Variants in GLS observed in about 807,000 individuals in gnomAD.
GLS encodes glutaminase.
A neutral mutation model predicts 86.7 loss-of-function variants in GLS; 36 were observed. That is an observed-to-expected ratio of 0.42 (90% CI 0.32 to 0.55). The LOEUF (loss-of-function observed/expected upper bound fraction) is 0.55. Among genes scored for constraint, GLS ranks in the 20% least tolerant of loss-of-function variants. The pLI is 0.17. For synonymous variants in GLS, 317 were observed against 305.9 expected (o/e 1.04, Z -0.38); for missense variants, 528 against 833.4 (o/e 0.63, Z 4.51).
chr2:190,916,231 T>G lies in GLS; in HGVS notation c.1039-4793T>G, dbSNP rs370145875. 9.8e-5 allele frequency among the ~76,000 whole-genome samples: 15 copies of G among 152,348 alleles called. No homozygotes were observed. The East Asian group carries it at 2.1e-3, about 22-fold the overall frequency. On this transcript the variant is annotated intron_variant, in intron 7 of 17. Coordinates refer to ENST00000320717, the MANE Select transcript of GLS (RefSeq NM_014905.5). ...ATTATTAGCAAATAAATATTTTTCC[T>G]TTAATTTTTTATTGTGAAAAAATTC...
At position 190,899,848 on chromosome 2, in the gene GLS, A is replaced by G. The variant is rs561863939; in HGVS notation, c.606-716A>G. Among the ~76,000 whole-genome samples, 8 of 152,146 alleles carry G rather than the reference A, an allele frequency of 5.3e-5. No individual in the cohort carries two copies. The South Asian group carries it at 1.0e-3, about 20-fold the overall frequency. On this transcript the variant is annotated intron_variant, in intron 3 of 17. Transcript: ENST00000320717. ...TGCTCTCCCATCCACTTGGTTTACT[A>G]TATTTTTAAAATACTTTTTTAACAG...
At position 190,935,038 on chromosome 2, in the gene GLS, C is replaced by G. The variant is rs1186701948; in HGVS notation, c.1650+3401C>G. On this transcript the variant is annotated intron_variant, in intron 14 of 17. Transcript: ENST00000320717. This position sits in a 1 kb window ranked among gnomAD's most constrained non-coding sequence, Gnocchi z 4.2. ...TATGCCATTATTGATTCTTGATATT[C>G]AAGCATTTACAATGTAGCATATTTG... 1 of 934,846 alleles carries G rather than the reference C, an allele frequency of 1.1e-6. No homozygotes were observed. Among genetic ancestry groups the G allele is most frequent in the African/African-American group, 1.8e-5 (1 of 56,132 alleles). 57.9% of individuals were successfully genotyped at this position (934,846 alleles called of 1,614,324 possible).
chr2:190,898,149 G>A (rs921974583), intron 3 of GLS, among the ~76,000 whole-genome samples: 1 of 152,074 alleles, frequency 6.6e-6, no homozygotes, highest in Non-Finnish European at 1.5e-5. Context: ...TGTTTTGCAA[G>A]AAAGTGAATG....
At chr2:190,898,713 C>T (rs918526610) in intron 3 of GLS, among the ~76,000 whole-genome samples, 6 of 152,278 alleles carry the variant, frequency 3.9e-5, no homozygotes, top group African/African-American at 1.4e-4. Context: ...CTCACCGCAA[C>T]CTCCGCCTCC....
intron 13 of GLS, among the ~76,000 whole-genome samples, chr2:190,931,069 G>A (rs1690093303): frequency 2.0e-5 from 3 of 152,094 alleles, no homozygotes; most frequent in African/African-American, 7.2e-5. Context: ...GCTAATGTTT[G>A]AGCTTCTAGT....
intron 6 of GLS, among the ~76,000 whole-genome samples, chr2:190,907,931 A>G (rs1159783343): frequency 2.0e-5 from 3 of 152,214 alleles, no homozygotes; most frequent in Non-Finnish European, 2.9e-5. Context: ...GCCAAAATGT[A>G]TGTGCTGATT....
At chr2:190,925,291 A>G (rs1689863312) in intron 11 of GLS, among the ~76,000 whole-genome samples, 1 of 152,016 alleles carries the variant, frequency 6.6e-6, no homozygotes, top group African/African-American at 2.4e-5. Flanking sequence ...CTGACTTGGT[A>G]TCTTGTAATT....
rs946731529 is a variant in GLS at position 190,943,606 on chromosome 2, T to A, written c.1651-9959T>A. 4.6e-5 allele frequency among the ~76,000 whole-genome samples: 7 copies of A among 152,234 alleles called. No homozygotes were observed. Among genetic ancestry groups the A allele is most frequent in the African/African-American group, 7.2e-5 (3 of 41,462 alleles). Reference sequence around the variant, plus strand: ...CATGATGTCCTTTCTAAATTTTTTTTAGATAGAACAATTGCTTTATTTTTT... The same window carrying A: ...CATGATGTCCTTTCTAAATTTTTTTAAGATAGAACAATTGCTTTATTTTTT... On this transcript the variant is annotated intron_variant, in intron 14 of 17. Coordinates refer to ENST00000320717, the MANE Select transcript of GLS (RefSeq NM_014905.5). This position sits in a 1 kb window ranked among gnomAD's most constrained non-coding sequence, Gnocchi z 4.5.
chr2:190,946,419 A>G (rs1186353653), intron 14 of GLS, among the ~76,000 whole-genome samples: 1 of 152,220 alleles, frequency 6.6e-6, no homozygotes, highest in African/African-American at 2.4e-5. Flanking sequence ...TTCCATGACA[A>G]CAGATACTGT....
rs1691020891 is a variant in GLS at position 190,962,222 on chromosome 2, A to G, written c.1854-608A>G. Among the ~76,000 whole-genome samples the G allele has an allele frequency of 6.6e-6, 1 of 152,200 alleles. No homozygotes were observed. Among genetic ancestry groups the G allele is most frequent in the Non-Finnish European group, 1.5e-5 (1 of 68,038 alleles). On this transcript the variant is annotated intron_variant, in intron 17 of 17. Transcript: ENST00000320717. This position sits in a 1 kb window ranked among gnomAD's most constrained non-coding sequence, Gnocchi z 4.2. The stretch of plus-strand genomic sequence containing the variant: ...GGAAAGGGGAGTTATTAGTATGGAA[A>G]GGGGAGTTACTCTTCTGGTGTAGTG...
Position 190,962,065 on chromosome 2 carries a change from T to C in GLS, c.1854-765T>C, listed in dbSNP as rs751320845. Among the ~76,000 whole-genome samples, 3 of 152,234 alleles carry C rather than the reference T, an allele frequency of 2.0e-5. No individual in the cohort carries two copies. Among genetic ancestry groups the C allele is most frequent in the Non-Finnish European group, 2.9e-5 (2 of 68,032 alleles). ...TGTCATTGACTAGGGCTGTGAGTTA[T>C]GTAGTTCTGTCTCCTCTTGCAAAAG... On this transcript the variant is annotated intron_variant, in intron 17 of 17. Transcript: ENST00000320717. The surrounding 1 kb of genome is among the most constrained non-coding windows in gnomAD (Gnocchi z 4.2).
chr2:190,895,773 G>A lies in GLS; in HGVS notation c.605+48G>A. On this transcript the variant is annotated intron_variant, in intron 3 of 17. Coordinates refer to ENST00000320717, the MANE Select transcript of GLS (RefSeq NM_014905.5). The surrounding 1 kb of genome is among the most constrained non-coding windows in gnomAD (Gnocchi z 4.2). ...TAATGGTGATTTGCTATGCTATACG[G>A]TGATTCTGCTTTTAAAACAAAATTG... 3 of 1,472,554 alleles carry A rather than the reference G, an allele frequency of 2.0e-6. No individual in the cohort carries two copies. The highest frequency in any genetic ancestry group is 1.8e-4 in the Middle Eastern group (1 of 5,472). The allele number at this position is 1,472,554 out of a possible 1,614,324, so 91.2% of individuals were successfully genotyped here.
rs1690729430 is a variant in GLS, at chr2:190,951,939, T to A, written c.1651-1626T>A. Reference sequence around the variant, plus strand: ...AAAATTATGGGCTGAGCATGTTGGCTCATGCCTGTAATCCCAACAGTTTGG... The same window carrying A: ...AAAATTATGGGCTGAGCATGTTGGCACATGCCTGTAATCCCAACAGTTTGG... On this transcript the variant is annotated intron_variant, in intron 14 of 17. Coordinates refer to ENST00000320717, the MANE Select transcript of GLS (RefSeq NM_014905.5). The surrounding 1 kb of genome is among the most constrained non-coding windows in gnomAD (Gnocchi z 4.2). 6.6e-6 allele frequency among the ~76,000 whole-genome samples: 1 copy of A among 152,214 alleles called. No homozygotes were observed. The highest frequency in any genetic ancestry group is 2.4e-5 in the African/African-American group (1 of 41,458).
intron 1 of GLS, among the ~76,000 whole-genome samples, chr2:190,882,769 G>A (rs1209218804): frequency 6.6e-6 from 1 of 152,192 alleles, no homozygotes; most frequent in African/African-American, 2.4e-5. Flanking sequence ...ATAGCGTCCT[G>A]ACCATGGACA....
intron 14 of GLS, chr2:190,932,729 C>G: frequency 6.3e-7 from 1 of 1,598,500 alleles, no homozygotes; most frequent in South Asian, 1.1e-5. Context: ...TCCTTTGGAC[C>G]ATTGGACTAT....
At position 190,935,052 on chromosome 2, in the gene GLS, GT is replaced by G; in HGVS notation, c.1650+3416del. ...TTCTTGATATTCAAGCATTTACAAT[GT>G]AGCATATTTGATTTTCTTTTTTCTT... On this transcript the variant is annotated intron_variant, in intron 14 of 17. Transcript: ENST00000320717. This position sits in a 1 kb window ranked among gnomAD's most constrained non-coding sequence, Gnocchi z 4.2. 1 of 928,050 alleles carries G rather than the reference GT, an allele frequency of 1.1e-6. No homozygotes were observed. The highest frequency in any genetic ancestry group is 1.3e-6 in the Non-Finnish European group (1 of 777,854). 57.5% of individuals were successfully genotyped at this position (928,050 alleles called of 1,614,324 possible).
chr2:190,961,523 T>G (rs762249675), intron 17 of GLS, among the ~76,000 whole-genome samples: 18 of 152,138 alleles, frequency 1.2e-4, no homozygotes, highest in South Asian at 4.1e-4. Context: ...AGTTCATATT[T>G]TTCATTAATT....
chr2:190,960,359 ATTTTTT>A (rs770419477), intron 17 of GLS, among the ~76,000 whole-genome samples: 2 of 101,486 alleles, frequency 2.0e-5, no homozygotes, highest in South Asian at 3.4e-4. Context: ...TTAAGCTTCA[ATTTTTT>A]TTTTTTTTTT....
intron 14 of GLS, among the ~76,000 whole-genome samples, chr2:190,941,505 A>G (rs1267501042): frequency 6.6e-6 from 1 of 151,970 alleles, no homozygotes; most frequent in Non-Finnish European, 1.5e-5. Context: ...TTTAAAAAAT[A>G]TTTCAGCAAA....
Sources: gnomAD v4.1 joint callset for allele counts (sites outside exome capture counted in the v4.1 genomes callset) on GRCh38, gnomAD v4.1.1 for gene constraint, Gnocchi (gnomAD v3.1) non-coding constraint, MANE v1.5 for transcripts, NCBI Gene and HGNC (gene_info 2026-07-23, HGNC 2026-07-21) for gene names.